The following LASP1 variants were observed in gnomAD, a reference collection of about 807,000 sequenced individuals.
LASP1 encodes LIM and SH3 protein 1.
Under a neutral mutation model 38.6 loss-of-function variants are expected in LASP1, and 10 were observed. The observed-to-expected ratio is 0.26, with a 90% CI of 0.16 to 0.44. The LOEUF (loss-of-function observed/expected upper bound fraction) is 0.44. LASP1 is among the 20% of genes least tolerant of loss of function. The pLI, the probability that LASP1 is intolerant of heterozygous loss-of-function variation, is 1.00. For synonymous variants in LASP1, 132 were observed against 140.8 expected, an observed-to-expected ratio of 0.94 and a Z score of 0.44; for missense variants, 243 against 375.7, an observed-to-expected ratio of 0.65 and a Z score of 2.92.
intron 2 of LASP1, among the ~76,000 whole-genome samples, chr17:38,885,508 C>A (rs1194736230): frequency 1.3e-5 from 2 of 152,196 alleles, no homozygotes; most frequent in Non-Finnish European, 2.9e-5. Context: ...CAGCTGATAG[C>A]AGGGAGGAAG....
At position 38,918,585 on chromosome 17, in the gene LASP1, T is replaced by C. The variant is rs1182606057; in HGVS notation, c.613-20T>C. 6 of 1,572,828 alleles carry C rather than the reference T, an allele frequency of 3.8e-6. No homozygotes were observed. The African/African-American group carries it at 4.0e-5, about 11-fold the overall frequency. ...TGAGCCGGCATGCAGGGCCCTAGGC[T>C]GACCACACTTCCCCCACAGAAGCGG... On this transcript the variant is annotated intron_variant, in intron 6 of 6. Coordinates refer to ENST00000318008, the MANE Select transcript of LASP1 (RefSeq NM_006148.4). The surrounding 1 kb of genome is among the most constrained non-coding windows in gnomAD (Gnocchi z 4.4).
At chr17:38,913,988 C>T (rs1915034270) in intron 4 of LASP1, among the ~76,000 whole-genome samples, 2 of 150,424 alleles carry the variant, frequency 1.3e-5, no homozygotes, top group African/African-American at 2.4e-5. Flanking sequence ...GGCGACAGAG[C>T]CAAACTCCGT....
chr17:38,871,750 G>GTCAC (rs2143717235), intron 1 of LASP1, among the ~76,000 whole-genome samples: 1 of 152,196 alleles, frequency 6.6e-6, no homozygotes, highest in East Asian at 1.9e-4. Flanking sequence ...CCGCTGCTGT[G>GTCAC]TCACTGTTCC....
chr17:38,898,818 A>T (rs931443831), intron 4 of LASP1: 1 of 493,088 alleles, frequency 2.0e-6, no homozygotes, highest in Non-Finnish European at 4.0e-6. Flanking sequence ...TATCGTGGGT[A>T]TCGGTGAAGA....
intron 6 of LASP1, among the ~76,000 whole-genome samples, chr17:38,917,738 A>G (rs1459906513): frequency 2.6e-5 from 4 of 151,512 alleles, no homozygotes; most frequent in Admixed American, 6.6e-5. Context: ...GCTGGAGTGC[A>G]GCAGTGGTGC....
intron 5 of LASP1, among the ~76,000 whole-genome samples, chr17:38,914,700 A>G (rs1598122620): frequency 6.6e-6 from 1 of 152,122 alleles, no homozygotes; most frequent in East Asian, 1.9e-4. Context: ...ACACACACAC[A>G]CACACACACA....
chr17:38,882,043 G>T (rs1243833950), intron 2 of LASP1, among the ~76,000 whole-genome samples: 1 of 152,220 alleles, frequency 6.6e-6, no homozygotes, highest in Non-Finnish European at 1.5e-5. Context: ...CCACATGCGT[G>T]CAGTTACACA....
At chr17:38,890,556 A>G in intron 3 of LASP1, 52 bp downstream of exon 3, 1 of 1,538,266 alleles carries the variant, frequency 6.5e-7, no homozygotes, top group Non-Finnish European at 9.0e-7. Context: ...CTGGGGAGGG[A>G]AGTTGTAAGG....
At chr17:38,882,202 C>T (rs1047844374) in intron 2 of LASP1, among the ~76,000 whole-genome samples, 7 of 152,220 alleles carry the variant, frequency 4.6e-5, no homozygotes, top group South Asian at 2.1e-4. Context: ...GGTGCACTCC[C>T]GGCTTCTGCA....
At chr17:38,908,323 A>C (rs1914828225) in intron 4 of LASP1, among the ~76,000 whole-genome samples, 1 of 152,234 alleles carries the variant, frequency 6.6e-6, no homozygotes, top group South Asian at 2.1e-4. Flanking sequence ...ACCTCAGAAC[A>C]AAAGTTGGAA....
chr17:38,900,410 C>T (rs1914610497), intron 4 of LASP1, among the ~76,000 whole-genome samples: 2 of 143,544 alleles, frequency 1.4e-5, no homozygotes, highest in African/African-American at 2.5e-5. Flanking sequence ...CGCGGTGGCT[C>T]ATGCCTGTAA....
rs1292974743 is a variant in LASP1 at position 38,903,987 on chromosome 17, T to C, written c.357+5468T>C. ...AGCAGTGTTCAAGTATGGAAAACTT[T>C]AGTCACTTTACTGGAGCCTCTTCTT... On this transcript the variant is annotated intron_variant, in intron 4 of 6. Transcript: ENST00000318008. 4 of 152,252 alleles carry C rather than the reference T, an allele frequency of 2.6e-5. No homozygotes were observed. The East Asian group carries it at 7.7e-4, about 29-fold the overall frequency. 9.4% of individuals were successfully genotyped at this position (152,252 alleles called of 1,614,324 possible). A position where few individuals can be genotyped will look rare whatever the true frequency, so the allele number is the denominator to read the frequency against.
intron 4 of LASP1, among the ~76,000 whole-genome samples, chr17:38,899,651 C>T (rs537609587): frequency 1.3e-5 from 2 of 152,170 alleles, no homozygotes; most frequent in South Asian, 2.1e-4. Flanking sequence ...ATACATTGTA[C>T]GTCTTGACCC....
intron 4 of LASP1, among the ~76,000 whole-genome samples, chr17:38,900,218 A>AAAAAAAC: frequency 1.3e-5 from 2 of 150,420 alleles, no homozygotes; most frequent in African/African-American, 2.4e-5. Context: ...AAAAAAAAAA[A>AAAAAAAC]AAAATACAAA....
At chr17:38,902,613 A>C (rs1056350655) in intron 4 of LASP1, among the ~76,000 whole-genome samples, 2 of 152,182 alleles carry the variant, frequency 1.3e-5, no homozygotes, top group Middle Eastern at 3.2e-3. Context: ...TATCCAAAAT[A>C]GCATTCCTGT....
chr17:38,918,608 C>T lies in LASP1; in HGVS notation c.616C>T (p.Arg206Trp). The T allele has an allele frequency of 1.3e-6, 2 of 1,583,874 alleles. No homozygotes were observed. Among genetic ancestry groups the T allele is most frequent in the Non-Finnish European group, 8.6e-7 (1 of 1,159,028 alleles). Residue 206 changes from arginine (R) to tryptophan (W), a missense_variant, in exon 7 of 7, where the codon CGG becomes TGG. By Grantham distance (101) the Arg-to-Trp change is moderately radical. This residue lies in a region of LASP1 where 165 missense variants were observed against 210.3 expected (regional missense o/e 0.78). Transcript: ENST00000318008. This position sits in a 1 kb window ranked among gnomAD's most constrained non-coding sequence, Gnocchi z 4.4. ...GCTGACCACACTTCCCCCACAGAAG[C>T]GGTACCGCGCGGTGTATGACTACAG... ...QRSAPGGGGKRYRAVYDYSAA... is the reference protein window; with the variant it reads ...QRSAPGGGGKWYRAVYDYSAA...
At chr17:38,889,382 G>A (rs1401367799) in intron 2 of LASP1, among the ~76,000 whole-genome samples, 2 of 152,016 alleles carry the variant, frequency 1.3e-5, no homozygotes, top group African/African-American at 2.4e-5. Context: ...TGCCCGCCTC[G>A]GCCTCCCAAA....
At chr17:38,893,241 C>T (rs1310658926) in intron 3 of LASP1, among the ~76,000 whole-genome samples, 2 of 152,244 alleles carry the variant, frequency 1.3e-5, no homozygotes, top group African/African-American at 2.4e-5. Context: ...GCACCGAGCC[C>T]TGTGCTCCCA....
At chr17:38,911,183 G>A (rs907159492) in intron 4 of LASP1, among the ~76,000 whole-genome samples, 1 of 152,178 alleles carries the variant, frequency 6.6e-6, no homozygotes. Context: ...TCCAGTGGGG[G>A]TGGGGGACAC....
Sources: gnomAD v4.1 joint callset for allele counts (sites outside exome capture counted in the v4.1 genomes callset) on GRCh38, gnomAD v4.1.1 for gene constraint, gnomAD v4.1.1 regional missense constraint, Gnocchi (gnomAD v3.1) non-coding constraint, MANE v1.5 for transcripts, NCBI Gene and HGNC (gene_info 2026-07-23, HGNC 2026-07-21) for gene names.